The following ECI1 variants were observed in gnomAD, a reference collection of about 807,000 sequenced individuals.
ECI1 encodes enoyl-CoA delta isomerase 1.
A neutral mutation model predicts 34.2 loss-of-function variants in ECI1; 34 were observed. The observed-to-expected ratio is 1.00, with a 90% CI of 0.76 to 1.33. ECI1 has a LOEUF of 1.33. Among genes scored for constraint, ECI1 ranks in the 40% most tolerant of loss-of-function variants. The pLI is 0.00. For missense variants in ECI1, 456 were observed against 422.2 expected (o/e 1.08, Z -0.70); for synonymous variants, 211 against 193.0 (o/e 1.09, Z -0.77).
At chr16:2,244,653 C>T (rs1182234313) in intron 3 of ECI1, 101 bp from the exon 4 acceptor site, 21 of 1,292,096 alleles carry the variant, frequency 1.6e-5, no homozygotes, top group Non-Finnish European at 2.3e-5. Flanking sequence ...CACAGCAGGG[C>T]CAGGTCACGC....
At chr16:2,245,100 C>T (rs2093537190) in intron 3 of ECI1, among the ~76,000 whole-genome samples, 1 of 152,176 alleles carries the variant, frequency 6.6e-6, no homozygotes, top group Admixed American at 6.5e-5. Flanking sequence ...GGCGCCAGCA[C>T]AGGAGCCTCA....
chr16:2,244,319 G>A (rs1387359940), intron 4 of ECI1, 87 bp downstream of exon 4: 1 of 1,463,698 alleles, frequency 6.8e-7, no homozygotes, highest in African/African-American at 1.4e-5. Context: ...CCCTGTGAGA[G>A]ATTCCAAGGG....
intron 4 of ECI1, 137 bp downstream of exon 4, chr16:2,244,269 C>T: frequency 9.4e-7 from 1 of 1,067,158 alleles, no homozygotes; most frequent in Non-Finnish European, 1.4e-6. Flanking sequence ...CGATGGCGCT[C>T]ACCTGTGCAC....
chr16:2,241,477 A>C (rs2093528047), intron 6 of ECI1, among the ~76,000 whole-genome samples: 1 of 151,686 alleles, frequency 6.6e-6, no homozygotes, highest in African/African-American at 2.4e-5. Flanking sequence ...TTGTATTTTT[A>C]GTAGAGACGG....
At chr16:2,240,498 A>C in intron 6 of ECI1, 1 of 295,352 alleles carries the variant, frequency 3.4e-6, no homozygotes. Flanking sequence ...GGCATGAGCC[A>C]GCACGCCCGG....
At chr16:2,248,179 G>A (rs911674002) in intron 2 of ECI1, among the ~76,000 whole-genome samples, 6 of 144,410 alleles carry the variant, frequency 4.2e-5, no homozygotes, top group Non-Finnish European at 9.1e-5. Flanking sequence ...TCACTACAAC[G>A]TCCACCTCCC....
rs150596212 is a variant in ECI1 at position 2,240,399 on chromosome 16, T to C, written c.743-254A>G. The C allele has an allele frequency of 1.3e-3, 553 of 440,042 alleles. 5 individuals are homozygous for C. In the East Asian group the frequency reaches 0.019, roughly 15 times the overall value. The allele number at this position is 440,042 out of a possible 1,614,324, so 27.3% of individuals were successfully genotyped here. A position where few individuals can be genotyped will look rare whatever the true frequency, so the allele number is the denominator to read the frequency against. ...GCTAATTTTGTATTTTTAGTAGAGA[T>C]GGGATTTCCTCATGTTGGCCAGGCT... On this transcript the variant is annotated intron_variant, in intron 6 of 6. Coordinates refer to ENST00000301729, the MANE Select transcript of ECI1 (RefSeq NM_001919.4).
chr16:2,245,433 A>G (rs917301492), intron 3 of ECI1, among the ~76,000 whole-genome samples: 42 of 152,344 alleles, frequency 2.8e-4, no homozygotes, highest in African/African-American at 1.0e-3. Flanking sequence ...TGGCCTCCAC[A>G]TCCTCAGGCG....
intron 4 of ECI1, chr16:2,244,035 C>G (rs1596785258): frequency 2.7e-6 from 1 of 364,078 alleles, no homozygotes; most frequent in African/African-American, 2.1e-5. Flanking sequence ...TGAGGTTAAG[C>G]CCCCGTGTTG....
At chr16:2,247,437 G>A (rs890093729) in intron 2 of ECI1, among the ~76,000 whole-genome samples, 2 of 151,620 alleles carry the variant, frequency 1.3e-5, no homozygotes, top group African/African-American at 4.9e-5. Flanking sequence ...TGCTCTTGTT[G>A]CCCAGGTTCA....
At chr16:2,245,791 G>A (rs892042761) in intron 3 of ECI1, among the ~76,000 whole-genome samples, 1 of 151,950 alleles carries the variant, frequency 6.6e-6, no homozygotes, top group African/African-American at 2.4e-5. Context: ...GGTGGGAGGA[G>A]TGCTTGAGCC....
intron 6 of ECI1, 61 bp downstream of exon 6, chr16:2,242,985 G>T: frequency 1.5e-6 from 2 of 1,324,118 alleles, no homozygotes; most frequent in Admixed American, 1.7e-5. Context: ...GAAAACCTTT[G>T]GGTGGAGAAC....
At chr16:2,242,739 C>G (rs1437822706) in intron 6 of ECI1, 1 of 469,338 alleles carries the variant, frequency 2.1e-6, no homozygotes, top group African/African-American at 1.9e-5. Context: ...GAGGCGCCCA[C>G]AAGCCCAGGG....
chr16:2,246,765 G>A, intron 3 of ECI1, 94 bp downstream of exon 3: 1 of 1,585,682 alleles, frequency 6.3e-7, no homozygotes, highest in Non-Finnish European at 8.6e-7. Flanking sequence ...ACGTTGGCAG[G>A]CTCTGCCTCT....
At position 2,243,032 on chromosome 16, in the gene ECI1, GC is replaced by G; in HGVS notation, c.742+13del. On this transcript the variant is annotated intron_variant, in intron 6 of 6. Transcript: ENST00000301729. ...CCCAGCATCATCGGGCGCCCGCCAT[GC>G]CCCGTGCCTCACCTGGAATGGCCAT... 6.3e-7 allele frequency: 1 copy of G among 1,597,032 alleles called. No individual in the cohort carries two copies. Among genetic ancestry groups the G allele is most frequent in the Non-Finnish European group, 8.5e-7 (1 of 1,176,122 alleles).
intron 6 of ECI1, 116 bp downstream of exon 6, chr16:2,242,930 C>A (rs755188124): frequency 2.4e-6 from 2 of 835,178 alleles, no homozygotes; most frequent in Non-Finnish European, 3.9e-6. Flanking sequence ...CTGACACCCA[C>A]ATGGCTGTGA....
chr16:2,244,379 A>G, intron 4 of ECI1, 27 bp downstream of exon 4: 1 of 1,609,944 alleles, frequency 6.2e-7, no homozygotes, highest in Admixed American at 1.7e-5. Flanking sequence ...ACAGCCAGCG[A>G]GGCCACCTGG....
Position 2,239,773 on chromosome 16 carries a change from C to A in ECI1, c.*206G>T, listed in dbSNP as rs888164379. The A allele has an allele frequency of 4.9e-6, 3 of 608,478 alleles. No homozygotes were observed. The African/African-American group carries it at 5.5e-5, about 11-fold the overall frequency. 37.7% of individuals were successfully genotyped at this position (608,478 alleles called of 1,614,324 possible). On this transcript the variant is annotated 3_prime_UTR_variant, in exon 7 of 7. Coordinates refer to ENST00000301729, the MANE Select transcript of ECI1 (RefSeq NM_001919.4). ...CCCAAGTCAAAAGGCTGCCCTCCAA[C>A]TCCCCTTGCCTGACGGGCACAGGCA...
chr16:2,247,460 C>T (rs768453212), intron 2 of ECI1, among the ~76,000 whole-genome samples: 1 of 152,018 alleles, frequency 6.6e-6, no homozygotes, highest in African/African-American at 2.4e-5. Flanking sequence ...TGCAATGGAG[C>T]GATCTTGGCT....
Sources: allele counts gnomAD v4.1 joint callset (sites outside exome capture counted in the v4.1 genomes callset), GRCh38; gene constraint gnomAD v4.1.1; transcripts MANE v1.5; gene names NCBI Gene and HGNC (gene_info 2026-07-23, HGNC 2026-07-21).